Variants in ANKS1B observed in about 807,000 individuals in gnomAD.
ANKS1B encodes ankyrin repeat and sterile alpha motif domain-containing protein 1B.
Under a neutral mutation model 148.3 loss-of-function variants are expected in ANKS1B, and 36 were observed. The ratio of observed to expected loss-of-function variants is 0.24; its 90% CI spans 0.19 to 0.32. ANKS1B has a LOEUF of 0.32. Among genes scored for constraint, ANKS1B ranks in the 10% least tolerant of loss-of-function variants. ANKS1B has a pLI of 1.00. For missense variants in ANKS1B, 1,157 were observed against 1,542.6 expected, an observed-to-expected ratio of 0.75 and a Z score of 4.19; for synonymous variants, 542 against 560.8, an observed-to-expected ratio of 0.97 and a Z score of 0.47.
intron 1 of ANKS1B, among the ~76,000 whole-genome samples, chr12:99,892,039 T>G (rs1565939928): frequency 6.6e-6 from 1 of 152,210 alleles, no homozygotes; most frequent in Non-Finnish European, 1.5e-5. Flanking sequence ...AGTCTCGCTC[T>G]GTCACCCAGG....
At chr12:98,850,688 C>T (rs61933619) in intron 17 of ANKS1B, among the ~76,000 whole-genome samples, 13,282 of 151,426 alleles carry the variant, frequency 0.088, 748 homozygotes, top group Admixed American at 0.16. Context: ...AGGATGGTCT[C>T]GATCTCCTGA....
At chr12:99,059,394 G>T (rs1305200892) in intron 16 of ANKS1B, among the ~76,000 whole-genome samples, 1 of 152,142 alleles carries the variant, frequency 6.6e-6, no homozygotes, top group African/African-American at 2.4e-5. Flanking sequence ...CAGTGGCTTG[G>T]TATCCATTTG....
chr12:98,822,062 A>T (rs879730340), intron 19 of ANKS1B, among the ~76,000 whole-genome samples: 2 of 152,126 alleles, frequency 1.3e-5, no homozygotes, highest in African/African-American at 4.8e-5. Context: ...AGCCAAGAGA[A>T]GGAGAGCCAG....
intron 22 of ANKS1B, among the ~76,000 whole-genome samples, chr12:98,798,363 C>G (rs1377125662): frequency 3.3e-5 from 5 of 151,886 alleles, no homozygotes; most frequent in African/African-American, 1.2e-4. Flanking sequence ...TCAGGTGATC[C>G]ACCCACCTTG....
intron 9 of ANKS1B, among the ~76,000 whole-genome samples, chr12:99,630,341 C>T (rs1054449354): frequency 1.3e-5 from 2 of 152,112 alleles, no homozygotes; most frequent in African/African-American, 4.8e-5. Context: ...CAGTTATCCC[C>T]GTTTCCATGG....
chr12:99,604,578 G>T (rs2097835872), intron 9 of ANKS1B, among the ~76,000 whole-genome samples: 1 of 151,984 alleles, frequency 6.6e-6, no homozygotes, highest in Admixed American at 6.6e-5. Flanking sequence ...ACTTTGGGAG[G>T]CCAAGGCAGG....
At chr12:98,851,339 G>A (rs941868232) in intron 17 of ANKS1B, among the ~76,000 whole-genome samples, 1 of 152,144 alleles carries the variant, frequency 6.6e-6, no homozygotes, top group African/African-American at 2.4e-5. Flanking sequence ...CTGGGGAGCT[G>A]GGGATGGCCT....
chr12:99,468,610 C>T (rs1354677097), intron 10 of ANKS1B, among the ~76,000 whole-genome samples: 5 of 152,160 alleles, frequency 3.3e-5, no homozygotes, highest in Admixed American at 6.5e-5. Context: ...ACAAACAACC[C>T]CATCAAAAAG....
chr12:99,315,294 A>C (rs2154028020), intron 12 of ANKS1B, among the ~76,000 whole-genome samples: 1 of 152,168 alleles, frequency 6.6e-6, no homozygotes, highest in Admixed American at 6.6e-5. Flanking sequence ...ACAAAACGGA[A>C]AAAATTTTTT....
intron 17 of ANKS1B, among the ~76,000 whole-genome samples, chr12:98,979,279 T>A (rs1258896301): frequency 2.0e-5 from 3 of 151,586 alleles, no homozygotes; most frequent in Non-Finnish European, 4.4e-5. Context: ...TTAATTAATT[T>A]TTTTTTGAGA....
At position 99,653,147 on chromosome 12, in the gene ANKS1B, A is replaced by T. The variant is rs118153476; in HGVS notation, c.1272+1920T>A. Among the ~76,000 whole-genome samples, 601 of 152,246 alleles carry T rather than the reference A, an allele frequency of 3.9e-3. 30 individuals carry two copies. The East Asian group carries it at 0.066, about 17-fold the overall frequency. ...AAAGGTAAAGCAAACCTAATATTAA[A>T]AATTGTAGACCAAAAGCAAGGTACT... On this transcript the variant is annotated intron_variant, in intron 9 of 26. Coordinates refer to ENST00000683438, the MANE Select transcript of ANKS1B (RefSeq NM_001352186.2).
chr12:99,085,502 T>C (rs2051391476), intron 15 of ANKS1B, among the ~76,000 whole-genome samples: 1 of 152,132 alleles, frequency 6.6e-6, no homozygotes, highest in African/African-American at 2.4e-5. Context: ...GATGACAGAT[T>C]TTGTGCGGAA....
intron 24 of ANKS1B, among the ~76,000 whole-genome samples, chr12:98,778,895 C>CT (rs2098706921): frequency 6.6e-6 from 1 of 152,252 alleles, no homozygotes; most frequent in South Asian, 2.1e-4. Context: ...TCCCTACCCA[C>CT]TGTCATACTG....
intron 11 of ANKS1B, among the ~76,000 whole-genome samples, chr12:99,416,176 G>A (rs902670475): frequency 6.6e-6 from 1 of 152,168 alleles, no homozygotes; most frequent in African/African-American, 2.4e-5. Flanking sequence ...ATTCATCCAA[G>A]CTGTTGTGTG....
intron 14 of ANKS1B, among the ~76,000 whole-genome samples, chr12:99,159,161 G>A (rs2076381568): frequency 1.3e-5 from 2 of 152,152 alleles, no homozygotes; most frequent in South Asian, 2.1e-4. Context: ...TGCTTAAAGG[G>A]AGAGTCAGTT....
intron 19 of ANKS1B, among the ~76,000 whole-genome samples, chr12:98,820,437 G>A (rs1403228306): frequency 6.6e-6 from 1 of 152,166 alleles, no homozygotes; most frequent in Non-Finnish European, 1.5e-5. Flanking sequence ...AAAAACTGGA[G>A]ACCATCTCAA....
chr12:99,307,022 T>C (rs1431741924), intron 12 of ANKS1B, among the ~76,000 whole-genome samples: 1 of 152,138 alleles, frequency 6.6e-6, no homozygotes, highest in African/African-American at 2.4e-5. Flanking sequence ...ATGGTCCTTG[T>C]CGTCCCTGGC....
At chr12:99,794,828 A>G (rs1478182445) in intron 4 of ANKS1B, among the ~76,000 whole-genome samples, 1 of 151,948 alleles carries the variant, frequency 6.6e-6, no homozygotes, top group Non-Finnish European at 1.5e-5. Flanking sequence ...TCAATTGTAC[A>G]TTTAAAAATA....
intron 10 of ANKS1B, among the ~76,000 whole-genome samples, chr12:99,451,107 G>A (rs1279431816): frequency 6.6e-6 from 1 of 152,158 alleles, no homozygotes; most frequent in Non-Finnish European, 1.5e-5. Flanking sequence ...ACATAAAACT[G>A]CTTAGGGAAA....
Sources: allele counts gnomAD v4.1 joint callset (sites outside exome capture counted in the v4.1 genomes callset), GRCh38; gene constraint gnomAD v4.1.1; transcripts MANE v1.5; gene names NCBI Gene and HGNC (gene_info 2026-07-23, HGNC 2026-07-21).